Variants in CEP72 observed in about 807,000 individuals in gnomAD.
CEP72 encodes the protein centrosomal protein of 72 kDa.
CEP72 carries 78 observed loss-of-function variants against 65.7 expected under a neutral mutation model. That is an observed-to-expected ratio of 1.19 (90% CI 0.99 to 1.43). The LOEUF is 1.43. Ranked by LOEUF, CEP72 falls within the 40% of genes most tolerant of loss-of-function variation. The pLI, the probability that CEP72 is intolerant of heterozygous loss-of-function variation, is 0.00. For synonymous variants in CEP72, 358 were observed against 351.7 expected, an observed-to-expected ratio of 1.02 and a Z score of -0.20; for missense variants, 914 against 832.9, an observed-to-expected ratio of 1.10 and a Z score of -1.20.
intron 3 of CEP72, chr5:665,470 C>A (rs1366343827): frequency 1.5e-6 from 1 of 665,240 alleles, no homozygotes; most frequent in Non-Finnish European, 2.5e-6. Context: ...GACCCTGGGG[C>A]AGCCTTGGGC....
chr5:628,682 T>TTG lies in CEP72; in HGVS notation c.512+4103_512+4104insTG, dbSNP rs1561037324. On this transcript the variant is annotated intron_variant, in intron 4 of 11. Transcript: ENST00000264935. ...TTGTGCAGCTTCTGGAGAACTCAGG[T>TTG]CACAGGCCCCGGGGAGTGTTCCCAG... Among the ~76,000 whole-genome samples, 2 of 113,684 alleles carry TTG rather than the reference T, an allele frequency of 1.8e-5. 1 individual carries two copies. Among genetic ancestry groups the TTG allele is most frequent in the Non-Finnish European group, 3.8e-5 (2 of 52,672 alleles). The allele number at this position is 113,684 out of a possible 152,430, so 74.6% of individuals were successfully genotyped here. A position where few individuals can be genotyped will look rare whatever the true frequency, so the allele number is the denominator to read the frequency against.
chr5:663,972 TGGGTG>T (rs1739792507), intron 2 of CEP72: 1 of 152,584 alleles, frequency 6.6e-6, no homozygotes, highest in Admixed American at 6.5e-5. Flanking sequence ...GCGGGCCGCC[TGGGTG>T]TGTCCTGGCA....
At chr5:636,749 G>A (rs1174940906) in intron 6 of CEP72, among the ~76,000 whole-genome samples, 1 of 149,110 alleles carries the variant, frequency 6.7e-6, no homozygotes, top group African/African-American at 2.5e-5. Flanking sequence ...GGTGGAGGTT[G>A]CAATGAGCCT....
chr5:637,462 AC>A, intron 6 of CEP72, 54 bp from the exon 7 acceptor site: 1 of 1,524,046 alleles, frequency 6.6e-7, no homozygotes, highest in Non-Finnish European at 9.0e-7. Flanking sequence ...ACAGTGCTGA[AC>A]ACTGCACCCA....
the CEP72 span, among the ~76,000 whole-genome samples, chr5:675,115 GGGGGTACAGTGTGGCCA>G: frequency 1.6e-4 from 4 of 24,718 alleles, no homozygotes; most frequent in Non-Finnish European, 2.1e-4. Context: ...GTGCAGCACG[GGGGGTACAGTGTGGCCA>G]GGGGTGCAGT....
rs1236300463 is a variant in CEP72, at chr5:623,016, A to G, written c.404-1455A>G. On this transcript the variant is annotated intron_variant, in intron 3 of 11. Transcript: ENST00000264935. This position sits in a 1 kb window ranked among gnomAD's most constrained non-coding sequence, Gnocchi z 5.3. Reference sequence around the variant, plus strand: ...TAGTGTTTCTGCAGAGAAGGAGCGCAGCCGTCTCCCCTCTTAGTGTTTCTG... The same window carrying G: ...TAGTGTTTCTGCAGAGAAGGAGCGCGGCCGTCTCCCCTCTTAGTGTTTCTG... 6.6e-6 allele frequency among the ~76,000 whole-genome samples: 1 copy of G among 151,938 alleles called. No homozygotes were observed. The highest frequency in any genetic ancestry group is 1.5e-5 in the Non-Finnish European group (1 of 67,978).
At chr5:670,488 A>G (rs1740180554), downstream of CEP72, among the ~76,000 whole-genome samples, 1 of 151,852 alleles carries the variant, frequency 6.6e-6, no homozygotes, top group South Asian at 2.1e-4. Context: ...CAGGGCACCA[A>G]CCTCTGGGAT....
Position 665,980 on chromosome 5 carries a change from G to A in CEP72, n.473G>A. 1 of 1,363,022 alleles carries A rather than the reference G, an allele frequency of 7.3e-7. No individual in the cohort carries two copies. The highest frequency in any genetic ancestry group is 9.7e-7 in the Non-Finnish European group (1 of 1,034,718). 84.4% of individuals were successfully genotyped at this position (1,363,022 alleles called of 1,614,324 possible). A position where few individuals can be genotyped will look rare whatever the true frequency, so the allele number is the denominator to read the frequency against. ...CCCCGCCCTGCTCACCGTCACCCCTGAGATGATGGGCGCCTTGCCCTCGAT... is the reference window on the plus strand; with the variant it reads ...CCCCGCCCTGCTCACCGTCACCCCTAAGATGATGGGCGCCTTGCCCTCGAT... On this transcript the variant is annotated non_coding_transcript_exon_variant, in exon 4 of 5. Transcript: ENST00000514507.
At chr5:634,390 A>C (rs1288962872) in intron 5 of CEP72, among the ~76,000 whole-genome samples, 1 of 152,198 alleles carries the variant, frequency 6.6e-6, no homozygotes, top group Non-Finnish European at 1.5e-5. Flanking sequence ...ACTGCCCTCC[A>C]CTGGGATGTG....
At chr5:639,044 C>A (rs748682017) in intron 7 of CEP72, 45 bp from the exon 8 acceptor site, 2 of 1,611,032 alleles carry the variant, frequency 1.2e-6, no homozygotes, top group Admixed American at 1.7e-5. Flanking sequence ...CATTCAGGAC[C>A]TCAGTTACTG....
chr5:666,178 C>A, intron 4 of CEP72: 2 of 1,574,402 alleles, frequency 1.3e-6, no homozygotes, highest in Non-Finnish European at 1.7e-6. Context: ...GGGCTGCCCT[C>A]CCCACGCGTG....
At chr5:613,461 C>T (rs934338798) in intron 1 of CEP72, among the ~76,000 whole-genome samples, 5 of 152,188 alleles carry the variant, frequency 3.3e-5, no homozygotes, top group Non-Finnish European at 7.3e-5. Context: ...ACCTCCACCT[C>T]CCAGGTTCAA....
downstream of CEP72, among the ~76,000 whole-genome samples, chr5:667,800 G>A (rs72707024): frequency 0.12 from 17,017 of 142,898 alleles, 1,187 homozygotes; most frequent in Non-Finnish European, 0.15. Context: ...AGGGGTCCGC[G>A]TGGGCCCCAT....
At chr5:646,532 C>T (rs534784621) in intron 10 of CEP72, among the ~76,000 whole-genome samples, 2 of 152,262 alleles carry the variant, frequency 1.3e-5, no homozygotes, top group African/African-American at 4.8e-5. Context: ...GCCCTGTTCT[C>T]TCCTCCACCC....
downstream of CEP72, among the ~76,000 whole-genome samples, chr5:657,367 A>G (rs1335890176): frequency 6.6e-6 from 1 of 152,200 alleles, no homozygotes; most frequent in Non-Finnish European, 1.5e-5. Flanking sequence ...CACGGGTGAC[A>G]GCCACTTACG....
intron 11 of CEP72, among the ~76,000 whole-genome samples, chr5:651,398 A>G (rs952678536): frequency 4.0e-5 from 6 of 151,572 alleles, no homozygotes; most frequent in African/African-American, 1.5e-4. Flanking sequence ...GTGGACTGAG[A>G]GTTGTGGACT....
chr5:665,140 C>A, intron 2 of CEP72: 1 of 1,612,834 alleles, frequency 6.2e-7, no homozygotes, highest in African/African-American at 1.3e-5. Context: ...TAGGTGCCTG[C>A]GTGCTTGTAG....
rs369519529 is a variant in CEP72, at chr5:633,729, C to T, written c.513-40C>T. 9 of 1,598,300 alleles carry T rather than the reference C, an allele frequency of 5.6e-6. No individual in the cohort carries two copies. The African/African-American group carries it at 1.1e-4, about 19-fold the overall frequency. On this transcript the variant is annotated intron_variant, in intron 4 of 11. Coordinates refer to ENST00000264935, the MANE Select transcript of CEP72 (RefSeq NM_018140.4). The stretch of plus-strand genomic sequence containing the variant: ...GGTCTGCGTGGGCCGGAGCATATGG[C>T]TGGCTTGAGTGATGCTGATGAGTTT...
chr5:640,344 G>A lies in CEP72; in HGVS notation c.1343-64G>A, dbSNP rs903221610. Reference sequence around the variant, plus strand: ...TGTGTGATTCAAAACATACTGAGCCGATTTTGTTTACATTTCATCCTTTAA... The same window carrying A: ...TGTGTGATTCAAAACATACTGAGCCAATTTTGTTTACATTTCATCCTTTAA... On this transcript the variant is annotated intron_variant, in intron 8 of 11. Transcript: ENST00000264935. The A allele has an allele frequency of 2.0e-5, 32 of 1,563,876 alleles. No homozygotes were observed. The Admixed American group carries it at 2.9e-4, about 14-fold the overall frequency.
Sources: allele counts gnomAD v4.1 joint callset (sites outside exome capture counted in the v4.1 genomes callset), GRCh38; gene constraint gnomAD v4.1.1; non-coding constraint Gnocchi (gnomAD v3.1); transcripts MANE v1.5; gene names NCBI Gene and HGNC (gene_info 2026-07-23, HGNC 2026-07-21).